The following CLYBL variants were observed in gnomAD, a reference collection of about 807,000 sequenced individuals.
The protein encoded by CLYBL is citramalyl-CoA lyase, mitochondrial.
A neutral mutation model predicts 38.9 loss-of-function variants in CLYBL; 31 were observed. The observed-to-expected ratio is 0.80, with a 90% CI of 0.60 to 1.08. CLYBL has a LOEUF of 1.08. CLYBL is among the 50% of genes least tolerant of loss of function. CLYBL has a pLI of 0.00. For missense variants in CLYBL, 434 were observed against 411.6 expected, an observed-to-expected ratio of 1.05 and a Z score of -0.47; for synonymous variants, 171 against 158.6, an observed-to-expected ratio of 1.08 and a Z score of -0.59.
At chr13:99,813,844 G>A (rs2050389850) in intron 2 of CLYBL, among the ~76,000 whole-genome samples, 1 of 152,116 alleles carries the variant, frequency 6.6e-6, no homozygotes, top group East Asian at 1.9e-4. Flanking sequence ...TTCTGCCTCT[G>A]AGAATCACAT....
At chr13:99,748,963 G>A (rs1329243815) in intron 1 of CLYBL, among the ~76,000 whole-genome samples, 2 of 152,118 alleles carry the variant, frequency 1.3e-5, no homozygotes, top group African/African-American at 4.8e-5. Context: ...CGGATCACCT[G>A]AGGTCAGGAG....
intron 2 of CLYBL, among the ~76,000 whole-genome samples, chr13:99,851,651 G>A (rs1451726591): frequency 6.6e-6 from 1 of 152,110 alleles, no homozygotes; most frequent in African/African-American, 2.4e-5. Flanking sequence ...TGATACCCAC[G>A]AGGATGACTA....
At chr13:99,895,524 C>G (rs2152135164), downstream of CLYBL, 1 of 152,400 alleles carries the variant, frequency 6.6e-6, no homozygotes, top group Middle Eastern at 3.4e-3. Context: ...CTTCGCCTTT[C>G]TTTCCGCGCT....
intron 1 of CLYBL, among the ~76,000 whole-genome samples, chr13:99,674,766 C>T (rs780224660): frequency 2.0e-5 from 3 of 152,070 alleles, no homozygotes; most frequent in Non-Finnish European, 4.4e-5. Context: ...AGGATGATTA[C>T]CAAGGAGTAT....
At chr13:99,882,877 T>G (rs1852860827) in intron 7 of CLYBL, among the ~76,000 whole-genome samples, 2 of 151,006 alleles carry the variant, frequency 1.3e-5, no homozygotes, top group Admixed American at 1.3e-4. Flanking sequence ...TGACATCCTT[T>G]CCCCTAGATC....
chr13:99,891,289 T>G, intron 7 of CLYBL, 29 bp from the exon 8 acceptor site: 2 of 1,495,338 alleles, frequency 1.3e-6, no homozygotes, highest in East Asian at 2.3e-5. Flanking sequence ...GAGTATTCTT[T>G]CAGGAAGTTT....
chr13:99,717,544 C>T (rs573741962), intron 1 of CLYBL, among the ~76,000 whole-genome samples: 1 of 151,686 alleles, frequency 6.6e-6, no homozygotes, highest in East Asian at 1.9e-4. Flanking sequence ...ACTGCATCCT[C>T]TGCCTCCCAG....
At chr13:99,660,012 C>T (rs1405748568) in intron 1 of CLYBL, among the ~76,000 whole-genome samples, 3 of 152,034 alleles carry the variant, frequency 2.0e-5, no homozygotes, top group Non-Finnish European at 2.9e-5. Flanking sequence ...CCTGTGGAGA[C>T]AGAGAGGAGA....
intron 1 of CLYBL, among the ~76,000 whole-genome samples, chr13:99,634,257 A>G (rs1025361044): frequency 9.2e-5 from 14 of 152,256 alleles, no homozygotes; most frequent in African/African-American, 2.9e-4. Context: ...CAGCAAAACT[A>G]TCCTTCAAAA....
At chr13:99,660,331 C>T (rs1407654160) in intron 1 of CLYBL, among the ~76,000 whole-genome samples, 1 of 152,192 alleles carries the variant, frequency 6.6e-6, no homozygotes, top group Non-Finnish European at 1.5e-5. Context: ...CTCTGTCGGT[C>T]ATCCTTCAGG....
chr13:99,740,867 G>A (rs961474765), intron 1 of CLYBL, among the ~76,000 whole-genome samples: 1 of 152,128 alleles, frequency 6.6e-6, no homozygotes, highest in African/African-American at 2.4e-5. Context: ...GGCTGCTCCT[G>A]GCAGCCTGTG....
At chr13:99,835,404 G>A (rs761605453) in intron 2 of CLYBL, among the ~76,000 whole-genome samples, 12 of 152,322 alleles carry the variant, frequency 7.9e-5, no homozygotes, top group Non-Finnish European at 1.5e-4. Flanking sequence ...GCTGATGCCG[G>A]CTCACCCTAC....
intron 1 of CLYBL, among the ~76,000 whole-genome samples, chr13:99,703,786 C>T (rs2048106710): frequency 1.3e-5 from 2 of 152,126 alleles, no homozygotes; most frequent in Admixed American, 6.6e-5. Context: ...AGCTCATCTC[C>T]TGGGTTTAGA....
At chr13:99,728,280 C>CTT (rs55834602) in intron 1 of CLYBL, among the ~76,000 whole-genome samples, 3 of 107,640 alleles carry the variant, frequency 2.8e-5, no homozygotes, top group Admixed American at 1.0e-4. Flanking sequence ...CTTTTCTTTT[C>CTT]TTTTTTTTTT....
intron 2 of CLYBL, among the ~76,000 whole-genome samples, chr13:99,810,170 A>C (rs1168280906): frequency 2.6e-5 from 4 of 152,248 alleles, no homozygotes; most frequent in Admixed American, 6.5e-5. Flanking sequence ...GAGGTGACAG[A>C]GGTGGGGAAA....
At chr13:99,664,661 C>A (rs12873858) in intron 1 of CLYBL, among the ~76,000 whole-genome samples, 1 of 152,050 alleles carries the variant, frequency 6.6e-6, no homozygotes, top group Non-Finnish European at 1.5e-5. Context: ...TAACGTGCGA[C>A]GTAGTGCCAG....
intron 1 of CLYBL, among the ~76,000 whole-genome samples, chr13:99,714,714 G>A (rs936861486): frequency 4.6e-5 from 7 of 151,872 alleles, no homozygotes; most frequent in African/African-American, 7.3e-5. Context: ...TTGGGAGGCC[G>A]AGGTGGGCGG....
At chr13:99,686,493 A>G (rs2047819568) in intron 1 of CLYBL, among the ~76,000 whole-genome samples, 1 of 138,996 alleles carries the variant, frequency 7.2e-6, no homozygotes, top group African/African-American at 2.7e-5. Flanking sequence ...GGCCTCAGAC[A>G]TAAAAGTATT....
chr13:99,715,296 A>G (rs2048295344), intron 1 of CLYBL, among the ~76,000 whole-genome samples: 1 of 152,178 alleles, frequency 6.6e-6, no homozygotes, highest in African/African-American at 2.4e-5. Flanking sequence ...TTGCCTCCAC[A>G]AAGTGAAAGC....
Sources: allele counts gnomAD v4.1 joint callset (sites outside exome capture counted in the v4.1 genomes callset), GRCh38; gene constraint gnomAD v4.1.1; transcripts MANE v1.5; gene names NCBI Gene and HGNC (gene_info 2026-07-23, HGNC 2026-07-21).